Variants in PKNOX1 observed in about 807,000 individuals in gnomAD.
PKNOX1 encodes the protein homeobox protein PKNOX1.
A neutral mutation model predicts 51.9 loss-of-function variants in PKNOX1; 15 were observed. That is an observed-to-expected ratio of 0.29 (90% CI 0.19 to 0.45). The LOEUF (loss-of-function observed/expected upper bound fraction) is 0.45, where lower values mean the gene tolerates loss of function less well. PKNOX1 is among the 20% of genes least tolerant of loss of function. The pLI is 1.00. For missense variants in PKNOX1, 462 were observed against 547.5 expected, an observed-to-expected ratio of 0.84 and a Z score of 1.56; for synonymous variants, 219 against 211.1, an observed-to-expected ratio of 1.04 and a Z score of -0.32.
intron 1 of PKNOX1, among the ~76,000 whole-genome samples, chr21:42,989,767 TTAGA>T (rs1425056470): frequency 2.0e-5 from 3 of 152,114 alleles, no homozygotes; most frequent in African/African-American, 7.2e-5. Context: ...GGCGGAAGCA[TTAGA>T]TAGAGGGATA....
In PKNOX1 at chr21:42,985,785, G is replaced by C. The variant is rs373505303; in HGVS notation, c.-57+11121G>C. Among the ~76,000 whole-genome samples, 8 of 149,566 alleles carry C rather than the reference G, an allele frequency of 5.3e-5. No homozygotes were observed. In the South Asian group the frequency reaches 6.6e-4, roughly 12 times the overall value. Reference sequence around the variant, plus strand: ...AGGCTGAGGCGGGTGGATGACTTGAGACCAGGAGTTTGAGACCAGCCTGGT... The same window carrying C: ...AGGCTGAGGCGGGTGGATGACTTGACACCAGGAGTTTGAGACCAGCCTGGT... On this transcript the variant is annotated intron_variant, in intron 1 of 10. Coordinates refer to ENST00000291547, the MANE Select transcript of PKNOX1 (RefSeq NM_004571.5).
Position 43,010,128 on chromosome 21 carries a change from T to C in PKNOX1, c.255T>C (p.Thr85=). Residue 85 remains threonine, a synonymous_variant, in exon 4 of 11, where the codon ACT becomes ACC. Transcript: ENST00000291547. ...EQSTQGSEGT[T]SASFDVDIEN... ...CTACACAGGGCTCTGAAGGCACAACTTCTGCCAGTTTTGATGTAGACATCG... is the reference window on the plus strand; with the variant it reads ...CTACACAGGGCTCTGAAGGCACAACCTCTGCCAGTTTTGATGTAGACATCG... 6.2e-7 allele frequency: 1 copy of C among 1,607,650 alleles called. No homozygotes were observed. The highest frequency in any genetic ancestry group is 8.5e-7 in the Non-Finnish European group (1 of 1,176,390).
At chr21:42,989,442 G>A (rs140724292) in intron 1 of PKNOX1, among the ~76,000 whole-genome samples, 1 of 151,912 alleles carries the variant, frequency 6.6e-6, no homozygotes, top group African/African-American at 2.4e-5. Flanking sequence ...TTTTGAGTCA[G>A]TCTCACTCTG....
intron 1 of PKNOX1, among the ~76,000 whole-genome samples, chr21:42,997,130 C>T (rs1039910781): frequency 8.5e-5 from 13 of 152,170 alleles, no homozygotes; most frequent in African/African-American, 3.1e-4. Context: ...ATCCTCCCAC[C>T]TCAGCATCCC....
rs778714357 is a variant in PKNOX1, at chr21:43,029,895, G to C, written c.1105G>C (p.Val369Leu). The C allele has an allele frequency of 6.2e-7, 1 of 1,613,120 alleles. No individual in the cohort carries two copies. ...PSELTMSEGA[V>L]VTITTPVNMN... ...ACACCTTCATCCTGCCGCAGGAGCT[G>C]TTGTCACCATCACCACGCCCGTGAA... Residue 369 changes from valine to leucine, a missense_variant, in exon 11 of 11, where the codon GTT becomes CTT. Around this residue, in one of 5 missense-constraint regions of PKNOX1, gnomAD observed 118 missense variants for 116.8 expected, o/e 1.01. Transcript: ENST00000291547.
rs376565583 is a variant in PKNOX1 at position 42,986,002 on chromosome 21, GAAAA to G, written c.-57+11350_-57+11353del. Among the ~76,000 whole-genome samples, 3 of 110,544 alleles carry G rather than the reference GAAAA, an allele frequency of 2.7e-5. No homozygotes were observed. In the East Asian group the frequency reaches 7.1e-4, roughly 26 times the overall value. The allele number at this position is 110,544 out of a possible 152,430, so 72.5% of individuals were successfully genotyped here. A position where few individuals can be genotyped will look rare whatever the true frequency, so the allele number is the denominator to read the frequency against. On this transcript the variant is annotated intron_variant, in intron 1 of 10. Transcript: ENST00000291547. The stretch of plus-strand genomic sequence containing the variant: ...GGCAACAGAGCGAGGCTCTGTCTCA[GAAAA>G]AAAAAAAAAAATTAAAAAAAAAATT...
chr21:43,014,399 T>C (rs1979398194), intron 5 of PKNOX1, among the ~76,000 whole-genome samples: 2 of 152,184 alleles, frequency 1.3e-5, no homozygotes, highest in South Asian at 4.1e-4. Context: ...AGATACTAGT[T>C]CTCTGTTGGA....
intron 9 of PKNOX1, among the ~76,000 whole-genome samples, chr21:43,026,284 A>G (rs944877165): frequency 6.6e-6 from 1 of 152,232 alleles, no homozygotes; most frequent in Admixed American, 6.5e-5. Context: ...TAATAATAAC[A>G]GTTTAATAAT....
intron 1 of PKNOX1, among the ~76,000 whole-genome samples, chr21:42,995,119 A>G (rs570613806): frequency 6.6e-6 from 1 of 151,380 alleles, no homozygotes; most frequent in South Asian, 2.1e-4. Flanking sequence ...ACGGGGTTTT[A>G]CCATCTTGGC....
chr21:42,974,817 C>G (rs2058983405), intron 1 of PKNOX1, among the ~76,000 whole-genome samples, 153 bp downstream of exon 1: 1 of 149,014 alleles, frequency 6.7e-6, no homozygotes, highest in Non-Finnish European at 1.5e-5. Context: ...GCATTTGACC[C>G]GCCGCCCGGG....
chr21:43,029,105 T>G, intron 10 of PKNOX1: 1 of 586,948 alleles, frequency 1.7e-6, no homozygotes, highest in Non-Finnish European at 3.0e-6. Context: ...GTGATAGAGA[T>G]ATGAAATCAT....
chr21:42,983,144 C>T (rs1346404454), intron 1 of PKNOX1, among the ~76,000 whole-genome samples: 1 of 152,064 alleles, frequency 6.6e-6, no homozygotes, highest in Non-Finnish European at 1.5e-5. Flanking sequence ...GTAAAATACA[C>T]GTAACAAAAT....
chr21:43,022,557 C>T (rs1177199122), intron 8 of PKNOX1, among the ~76,000 whole-genome samples: 6 of 152,096 alleles, frequency 3.9e-5, no homozygotes, highest in Non-Finnish European at 5.9e-5. Context: ...CTTGCCTGCC[C>T]TGGCCTCTTG....
chr21:43,011,427 C>T lies in PKNOX1; in HGVS notation c.351+1203C>T, dbSNP rs190055237. On this transcript the variant is annotated intron_variant, in intron 4 of 10. Coordinates refer to ENST00000291547, the MANE Select transcript of PKNOX1 (RefSeq NM_004571.5). ...ATGCCCTCCCCCCAGGGCCAGGGCTCCAAAATCCAGCGTTTTCTGTGCCCT... is the reference window on the plus strand; with the variant it reads ...ATGCCCTCCCCCCAGGGCCAGGGCTTCAAAATCCAGCGTTTTCTGTGCCCT... 2.0e-5 allele frequency among the ~76,000 whole-genome samples: 3 copies of T among 152,254 alleles called. No homozygotes were observed. The East Asian group carries it at 5.8e-4, about 29-fold the overall frequency.
At chr21:43,025,042 G>A (rs2146293103) in intron 9 of PKNOX1, 95 bp downstream of exon 9, 3 of 785,798 alleles carry the variant, frequency 3.8e-6, no homozygotes, top group Non-Finnish European at 6.5e-6. Flanking sequence ...CTGAAAATAG[G>A]AGGTCTCTCT....
chr21:43,009,041 G>A (rs951607643), intron 3 of PKNOX1, among the ~76,000 whole-genome samples: 10 of 152,118 alleles, frequency 6.6e-5, no homozygotes, highest in South Asian at 2.1e-4. Context: ...AGTGGCGGGC[G>A]CGGTGGCTCA....
intron 7 of PKNOX1, among the ~76,000 whole-genome samples, chr21:43,019,011 G>A (rs1284531676): frequency 6.6e-6 from 1 of 151,530 alleles, no homozygotes. Context: ...CTTGAACCCG[G>A]GAAGCAGAGG....
intron 5 of PKNOX1, among the ~76,000 whole-genome samples, chr21:43,016,463 T>C (rs1432229612): frequency 6.6e-6 from 1 of 152,228 alleles, no homozygotes; most frequent in Non-Finnish European, 1.5e-5. Context: ...ACCTCAGCCC[T>C]GGTCACTTCT....
rs553645985 is a variant in PKNOX1 at position 43,031,113 on chromosome 21, T to C, written c.*1012T>C. 2 of 152,818 alleles carry C rather than the reference T, an allele frequency of 1.3e-5. No homozygotes were observed. The highest frequency in any genetic ancestry group is 2.9e-5 in the Non-Finnish European group (2 of 68,040). 9.5% of individuals were successfully genotyped at this position (152,818 alleles called of 1,614,324 possible). On this transcript the variant is annotated 3_prime_UTR_variant, in exon 11 of 11. Transcript: ENST00000291547. ...TAATTTAAATCTGACCACAGTTGCA[T>C]GGTCGCTTTACCATGTTAGCTGTGT...
Sources: allele counts gnomAD v4.1 joint callset (sites outside exome capture counted in the v4.1 genomes callset), GRCh38; gene constraint gnomAD v4.1.1; regional missense constraint gnomAD v4.1.1; transcripts MANE v1.5; gene names NCBI Gene and HGNC (gene_info 2026-07-23, HGNC 2026-07-21).